The following KLHL18 variants were observed in gnomAD, a reference collection of about 807,000 sequenced individuals.
The protein encoded by KLHL18 is kelch like family member 18.
KLHL18 carries 38 observed loss-of-function variants against 58.5 expected under a neutral mutation model. The ratio of observed to expected loss-of-function variants is 0.65; its 90% CI spans 0.50 to 0.85. The LOEUF is 0.85. Ranked by LOEUF, KLHL18 falls within the 40% of genes least tolerant of loss-of-function variation. KLHL18 has a pLI of 0.00. For missense variants in KLHL18, 624 were observed against 778.4 expected, an observed-to-expected ratio of 0.80 and a Z score of 2.36; for synonymous variants, 303 against 301.9, an observed-to-expected ratio of 1.00 and a Z score of -0.04.
chr3:47,300,078 C>T (rs945703335), intron 1 of KLHL18, among the ~76,000 whole-genome samples: 2 of 150,988 alleles, frequency 1.3e-5, no homozygotes, highest in Non-Finnish European at 2.9e-5. Flanking sequence ...CTCTTTCTCA[C>T]TCCCTGTCCT....
Position 47,308,726 on chromosome 3 carries a change from C to T in KLHL18, c.130-10927C>T, listed in dbSNP as rs536901201. Among the ~76,000 whole-genome samples, 39 of 152,140 alleles carry T rather than the reference C, an allele frequency of 2.6e-4. No individual in the cohort carries two copies. The South Asian group carries it at 3.1e-3, about 12-fold the overall frequency. On this transcript the variant is annotated intron_variant, in intron 1 of 9. Transcript: ENST00000232766. ...TTTTCAACCCTTATCTCCCTCCTTC[C>T]TTCCCTCCCTCCCTCCTCTCATCGT...
rs1380398573 is a variant in KLHL18, at chr3:47,333,248, T to C, written c.692T>C (p.Leu231Pro). 2 of 1,614,052 alleles carry C rather than the reference T, an allele frequency of 1.2e-6. No individual in the cohort carries two copies. Among genetic ancestry groups the C allele is most frequent in the Non-Finnish European group, 1.7e-6 (2 of 1,180,036 alleles). ...CTGCTGTCCAATATCCGCCTGCCCC[T>C]CTGTCGGCCCCAGTTCCTTTCAGAC... ...PELLSNIRLP[L>P]CRPQFLSDRV... Residue 231 changes from leucine to proline, a missense_variant, in exon 5 of 10, where the codon CTC (leucine) becomes CCC (proline). Transcript: ENST00000232766.
At position 47,334,726 on chromosome 3, in the gene KLHL18, C is replaced by T. The variant is rs769781873; in HGVS notation, c.805C>T (p.Arg269Cys). The T allele has an allele frequency of 1.7e-5, 28 of 1,614,152 alleles. No individual in the cohort carries two copies. The highest frequency in any genetic ancestry group is 6.7e-5 in the East Asian group (3 of 44,874). The stretch of plus-strand genomic sequence containing the variant: ...AAAGGACTACCACCTCATGCCAGAG[C>T]GCCGGCCCCACCTGCCAGCTTTCAG... ...EAKDYHLMPE[R>C]RPHLPAFRTR... Residue 269 changes from arginine to cysteine, a missense_variant, in exon 6 of 10, where the codon CGC becomes TGC. By Grantham distance (180) the Arg-to-Cys change is radical. Coordinates refer to ENST00000232766, the MANE Select transcript of KLHL18 (RefSeq NM_025010.5). This position sits in a 1 kb window ranked among gnomAD's most constrained non-coding sequence, Gnocchi z 4.7.
At chr3:47,306,120 C>T (rs1703143790) in intron 1 of KLHL18, among the ~76,000 whole-genome samples, 1 of 151,292 alleles carries the variant, frequency 6.6e-6, no homozygotes, top group African/African-American at 2.4e-5. Context: ...TCTCTAGTTC[C>T]TTGGAGAGGT....
Position 47,343,656 on chromosome 3 carries a change from T to C in KLHL18, c.1440T>C (p.Phe480=). Residue 480 remains phenylalanine (F), a synonymous_variant, in exon 10 of 10, where the codon TTT becomes TTC. Coordinates refer to ENST00000232766, the MANE Select transcript of KLHL18 (RefSeq NM_025010.5). The stretch of plus-strand genomic sequence containing the variant: ...CCGCCTCCCTGGGGAGCAAGATGTT[T>C]GTCTGCGGGGGCTACGATGGCTCTG... The part of the protein sequence containing the change: ...HGAASLGSKM[F]VCGGYDGSGF... The C allele has an allele frequency of 6.2e-7, 1 of 1,614,126 alleles. No homozygotes were observed. The highest frequency in any genetic ancestry group is 8.5e-7 in the Non-Finnish European group (1 of 1,180,020).
At chr3:47,309,070 A>AG (rs561170117) in intron 1 of KLHL18, among the ~76,000 whole-genome samples, 11 of 152,328 alleles carry the variant, frequency 7.2e-5, no homozygotes, top group Non-Finnish European at 1.3e-4. Context: ...CATATTTCAG[A>AG]GAGCACCGGG....
chr3:47,326,140 G>A (rs1250011398), intron 3 of KLHL18, among the ~76,000 whole-genome samples: 2 of 151,950 alleles, frequency 1.3e-5, no homozygotes, highest in Non-Finnish European at 2.9e-5. Flanking sequence ...TAGAGATGGG[G>A]TTTCACCATG....
In KLHL18 at chr3:47,304,794, C is replaced by T. The variant is rs111860854; in HGVS notation, c.130-14859C>T. Among the ~76,000 whole-genome samples, 230 of 152,124 alleles carry T rather than the reference C, an allele frequency of 1.5e-3. 2 individuals carry two copies. Among genetic ancestry groups the T allele is most frequent in the African/African-American group, 5.2e-3 (217 of 41,524 alleles). On this transcript the variant is annotated intron_variant, in intron 1 of 9. Coordinates refer to ENST00000232766, the MANE Select transcript of KLHL18 (RefSeq NM_025010.5). ...ATCCCAACACTTTGGGAGGCCAAGG[C>T]GGGTGGATCACTTGAGCTCACAAGT...
At chr3:47,318,721 T>G (rs1308519787) in intron 1 of KLHL18, among the ~76,000 whole-genome samples, 1 of 152,228 alleles carries the variant, frequency 6.6e-6, no homozygotes, top group Non-Finnish European at 1.5e-5. Flanking sequence ...AAACAGAGAC[T>G]GCTAGTTGTT....
intron 3 of KLHL18, 92 bp from the exon 4 acceptor site, chr3:47,329,859 C>A: frequency 9.4e-7 from 1 of 1,062,556 alleles, no homozygotes; most frequent in Non-Finnish European, 1.4e-6. Context: ...AATTTGTTTT[C>A]ATTCTGTGGC....
At chr3:47,291,348 GCTTAGGAAGAC>G (rs1702787722) in intron 1 of KLHL18, among the ~76,000 whole-genome samples, 1 of 152,242 alleles carries the variant, frequency 6.6e-6, no homozygotes, top group Admixed American at 6.5e-5. Context: ...CCTGTGGTTA[GCTTAGGAAGAC>G]CTTAGGAAGA....
intron 1 of KLHL18, among the ~76,000 whole-genome samples, chr3:47,291,970 C>T (rs1211211967): frequency 1.3e-5 from 2 of 152,210 alleles, no homozygotes; most frequent in Middle Eastern, 3.2e-3. Flanking sequence ...ACCATGCTCC[C>T]ATTCTGTCTC....
chr3:47,320,035 A>AT lies in KLHL18; in HGVS notation c.260+269dup, dbSNP rs546913284. On this transcript the variant is annotated intron_variant, in intron 2 of 9. Transcript: ENST00000232766. ...CATTTAATAGGACCTAGACTCCATG[A>AT]TTTTTTTTTTTTTTTTTGACTGGGG... Among the ~76,000 whole-genome samples, 1,231 of 139,578 alleles carry AT rather than the reference A, an allele frequency of 8.8e-3. 16 individuals are homozygous for AT. The highest frequency in any genetic ancestry group is 0.022 in the African/African-American group (837 of 37,970). The allele number at this position is 139,578 out of a possible 152,430, so 91.6% of individuals were successfully genotyped here. A position where few individuals can be genotyped will look rare whatever the true frequency, so the allele number is the denominator to read the frequency against.
rs1310307765 is a variant in KLHL18 at position 47,283,093 on chromosome 3, A to G, written c.128A>G (p.Lys43Arg). The change falls in exon 1 of 10, where the codon AAG (lysine) becomes AGG (arginine). Residue 43 changes from lysine to arginine, a missense_variant and splice_region_variant. Physicochemically the swap from Lys to Arg is conservative, Grantham distance 26 (BLOSUM62 2). Coordinates refer to ENST00000232766, the MANE Select transcript of KLHL18 (RefSeq NM_025010.5). ...GGCAAGCTGTGCGACGTGACCCTCA[A>G]GGTACCGCGGACTGGGCGGCAGCGG... ...RQGKLCDVTL[K>R]IGDHKFSAHR... 2 of 1,565,638 alleles carry G rather than the reference A, an allele frequency of 1.3e-6. No homozygotes were observed. Among genetic ancestry groups the G allele is most frequent in the Non-Finnish European group, 1.7e-6 (2 of 1,154,676 alleles).
At chr3:47,324,039 A>G (rs1202554803) in intron 3 of KLHL18, among the ~76,000 whole-genome samples, 1 of 152,160 alleles carries the variant, frequency 6.6e-6, no homozygotes, top group Non-Finnish European at 1.5e-5. Flanking sequence ...AACACTGGGT[A>G]AAGGGTTTCA....
In KLHL18 at chr3:47,283,001, G is replaced by C. The variant is rs1481312392; in HGVS notation, c.36G>C (p.Leu12=). Residue 12 remains leucine (L), a synonymous_variant, in exon 1 of 10, where the codon CTG becomes CTC. Coordinates refer to ENST00000232766, the MANE Select transcript of KLHL18 (RefSeq NM_025010.5). ...ACGGCGCGGAGGAGCTGGAGGATCT[G>C]GTGCACTTCTCCGTGTCTGAGTTGC... is the stretch of plus-strand genomic sequence containing the variant. The part of the protein sequence containing the change: ...VEDGAEELED[L]VHFSVSELPS... 6.2e-7 allele frequency: 1 copy of C among 1,611,234 alleles called. No homozygotes were observed.
chr3:47,304,090 A>G (rs1399916048), intron 1 of KLHL18, among the ~76,000 whole-genome samples: 4 of 152,178 alleles, frequency 2.6e-5, no homozygotes, highest in Non-Finnish European at 5.9e-5. Context: ...ACATACACAC[A>G]TACAGTGGCT....
intron 1 of KLHL18, among the ~76,000 whole-genome samples, chr3:47,289,909 C>G (rs944792673): frequency 3.3e-5 from 5 of 152,124 alleles, no homozygotes; most frequent in Non-Finnish European, 7.4e-5. Context: ...TTACTGGGTA[C>G]AATGTACATT....
At chr3:47,319,019 A>G (rs918374603) in intron 1 of KLHL18, among the ~76,000 whole-genome samples, 1 of 152,230 alleles carries the variant, frequency 6.6e-6, no homozygotes, top group African/African-American at 2.4e-5. Flanking sequence ...TATTGAAGGG[A>G]AGAGCCTTTT....
Sources: gnomAD v4.1 joint callset for allele counts (sites outside exome capture counted in the v4.1 genomes callset) on GRCh38, gnomAD v4.1.1 for gene constraint, Gnocchi (gnomAD v3.1) non-coding constraint, MANE v1.5 for transcripts, NCBI Gene and HGNC (gene_info 2026-07-23, HGNC 2026-07-21) for gene names.